TYW1B: variants seen among roughly 807,000 people sequenced by gnomAD.
TYW1B encodes the protein tRNA-yW synthesizing protein 1 homolog B, also known as S-adenosyl-L-methionine-dependent tRNA 4-demethylwyosine synthase TYW1B.
Under a neutral mutation model 86.9 loss-of-function variants are expected in TYW1B, and 73 were observed. That is an observed-to-expected ratio of 0.84 (90% CI 0.70 to 1.02). TYW1B has a LOEUF of 1.02. Ranked by LOEUF, TYW1B falls within the 50% of genes least tolerant of loss-of-function variation. The pLI, the probability that TYW1B is intolerant of heterozygous loss-of-function variation, is 0.00. For missense variants in TYW1B, 637 were observed against 827.4 expected, an observed-to-expected ratio of 0.77 and a Z score of 2.82; for synonymous variants, 248 against 292.8, an observed-to-expected ratio of 0.85 and a Z score of 1.56.
intron 11 of TYW1B, among the ~76,000 whole-genome samples, chr7:72,665,787 G>C (rs559604391): frequency 6.6e-6 from 1 of 152,296 alleles, no homozygotes; most frequent in Non-Finnish European, 1.5e-5. Flanking sequence ...TCAGAAGCTA[G>C]AAGAATCTTT....
At position 72,768,526 on chromosome 7, in the gene TYW1B, G is replaced by A. The variant is rs187065834; in HGVS notation, c.964+8890C>T. On this transcript the variant is annotated intron_variant, in intron 7 of 13. Transcript: ENST00000620995. ...CTGTAGGCCAGGCGCGGTGGCTCACGCCTGTAATCCCAGCACTTTGGGAGG... is the reference window on the plus strand; with the variant it reads ...CTGTAGGCCAGGCGCGGTGGCTCACACCTGTAATCCCAGCACTTTGGGAGG... Among the ~76,000 whole-genome samples, 842 of 152,238 alleles carry A rather than the reference G, an allele frequency of 5.5e-3. 4 individuals are homozygous for A. Among genetic ancestry groups the A allele is most frequent in the African/African-American group, 0.015 (618 of 41,548 alleles).
chr7:72,654,602 CG>C (rs1813153271), intron 11 of TYW1B, among the ~76,000 whole-genome samples: 1 of 152,294 alleles, frequency 6.6e-6, no homozygotes. Context: ...GGTTATAGGC[CG>C]GGCACGGTGG....
intron 12 of TYW1B, among the ~76,000 whole-genome samples, chr7:72,623,203 G>A (rs1812268171): frequency 6.6e-6 from 1 of 152,178 alleles, no homozygotes; most frequent in African/African-American, 2.4e-5. Flanking sequence ...ACATACGTGT[G>A]TGTTTCCATT....
intron 13 of TYW1B, among the ~76,000 whole-genome samples, chr7:72,600,455 T>A (rs564564690): frequency 2.0e-5 from 3 of 152,320 alleles, no homozygotes; most frequent in African/African-American, 7.2e-5. Flanking sequence ...AATGAATTTT[T>A]AGATACACCA....
intron 11 of TYW1B, among the ~76,000 whole-genome samples, chr7:72,673,152 G>A (rs1813651904): frequency 6.6e-6 from 1 of 152,216 alleles, no homozygotes; most frequent in Non-Finnish European, 1.5e-5. Context: ...GGGCGACAGA[G>A]CAAGACTCCG....
chr7:72,749,255 G>C (rs1488677926), intron 7 of TYW1B, among the ~76,000 whole-genome samples: 1 of 152,114 alleles, frequency 6.6e-6, no homozygotes, highest in African/African-American at 2.4e-5. Flanking sequence ...ATGGCTGCAG[G>C]ACCTGTAATA....
intron 11 of TYW1B, among the ~76,000 whole-genome samples, chr7:72,690,194 G>C (rs1554450081): frequency 1.3e-5 from 2 of 152,206 alleles, no homozygotes; most frequent in African/African-American, 4.8e-5. Flanking sequence ...ACTGGATCTT[G>C]ACCTTGGCAT....
chr7:72,728,532 C>A (rs547021886), intron 9 of TYW1B, among the ~76,000 whole-genome samples: 1 of 152,162 alleles, frequency 6.6e-6, no homozygotes, highest in African/African-American at 2.4e-5. Context: ...ATCTCGAACT[C>A]CTGACCTCAG....
chr7:72,811,556 G>A (rs1788619650), intron 3 of TYW1B, among the ~76,000 whole-genome samples: 1 of 151,912 alleles, frequency 6.6e-6, no homozygotes, highest in African/African-American at 2.4e-5. Flanking sequence ...AAGAATAGGG[G>A]AACCATGTTC....
In TYW1B at chr7:72,694,415, C is replaced by A. The variant is rs180944186; in HGVS notation, c.1506+272G>T. Among the ~76,000 whole-genome samples, 349 of 152,280 alleles carry A rather than the reference C, an allele frequency of 2.3e-3. 1 individual carries two copies. Among genetic ancestry groups the A allele is most frequent in the Non-Finnish European group, 2.3e-3 (157 of 68,024 alleles). On this transcript the variant is annotated intron_variant, in intron 11 of 13. Coordinates refer to ENST00000620995, the MANE Select transcript of TYW1B (RefSeq NM_001145440.3). Reference sequence around the variant, plus strand: ...TTAATTAACTTTGGGAGTATATATACCCCTCTCCTTAAATGAATGAAAGGC... The same window carrying A: ...TTAATTAACTTTGGGAGTATATATAACCCTCTCCTTAAATGAATGAAAGGC...
chr7:72,703,984 T>G (rs1483129356), intron 10 of TYW1B, among the ~76,000 whole-genome samples: 3 of 152,148 alleles, frequency 2.0e-5, no homozygotes, highest in Admixed American at 1.3e-4. Context: ...AATACTCTAC[T>G]AATTTTATCA....
intron 9 of TYW1B, among the ~76,000 whole-genome samples, chr7:72,715,182 G>T (rs1419533682): frequency 5.3e-5 from 8 of 151,952 alleles, no homozygotes; most frequent in Admixed American, 4.6e-4. Context: ...CAGGCAATTC[G>T]CAGTTTCTGA....
chr7:72,783,605 C>G (rs1894769), intron 6 of TYW1B, among the ~76,000 whole-genome samples: 119,265 of 152,080 alleles, frequency 0.78, 46,958 homozygotes, highest in Non-Finnish European at 0.8. Context: ...CACTGGTCAC[C>G]GTTCAGTTTT....
At chr7:72,703,020 ATATATATT>A (rs1381677217) in intron 10 of TYW1B, among the ~76,000 whole-genome samples, 172 of 10,130 alleles carry the variant, frequency 0.017, 3 homozygotes, top group Middle Eastern at 0.056. Flanking sequence ...ATATATATAT[ATATATATT>A]TTTTTTTTTT....
At chr7:72,653,310 T>C (rs1346432962) in intron 11 of TYW1B, among the ~76,000 whole-genome samples, 1 of 152,026 alleles carries the variant, frequency 6.6e-6, no homozygotes, top group East Asian at 1.9e-4. Flanking sequence ...ATTACCAATA[T>C]CAAAAATGAA....
intron 8 of TYW1B, among the ~76,000 whole-genome samples, chr7:72,740,401 A>G (rs1222212161): frequency 6.7e-5 from 5 of 75,012 alleles, no homozygotes; most frequent in African/African-American, 1.9e-4. Flanking sequence ...CCCTGTCTCA[A>G]AAGGAAAAAA....
chr7:72,701,310 C>T (rs1417601906), intron 10 of TYW1B, among the ~76,000 whole-genome samples: 1 of 151,504 alleles, frequency 6.6e-6, no homozygotes, highest in Admixed American at 6.6e-5. Context: ...GTCCCCCAGG[C>T]TGGAGTGCAG....
intron 9 of TYW1B, among the ~76,000 whole-genome samples, chr7:72,715,339 C>T (rs1554455660): frequency 1.3e-5 from 2 of 152,196 alleles, no homozygotes; most frequent in African/African-American, 4.8e-5. Flanking sequence ...TATTAAATCA[C>T]GGTCTCTGGG....
At chr7:72,720,800 C>A (rs1254583603) in intron 9 of TYW1B, among the ~76,000 whole-genome samples, 1 of 152,012 alleles carries the variant, frequency 6.6e-6, no homozygotes, top group Non-Finnish European at 1.5e-5. Flanking sequence ...GAGCAATGTG[C>A]AGGTTTGTTA....
Sources: gnomAD v4.1 joint callset for allele counts (sites outside exome capture counted in the v4.1 genomes callset) on GRCh38, gnomAD v4.1.1 for gene constraint, MANE v1.5 for transcripts, NCBI Gene and HGNC (gene_info 2026-07-23, HGNC 2026-07-21) for gene names.